Variants in ABCC4 observed in about 807,000 individuals in gnomAD.
ABCC4 encodes ATP-binding cassette sub-family C member 4.
ABCC4 carries 102 observed loss-of-function variants against 168.5 expected under a neutral mutation model. The observed-to-expected ratio is 0.61, with a 90% CI of 0.52 to 0.71. The LOEUF is 0.71. Ranked by LOEUF, ABCC4 falls within the 30% of genes least tolerant of loss-of-function variation. The pLI, the probability that ABCC4 is intolerant of heterozygous loss-of-function variation, is 0.00. For missense variants in ABCC4, 1,402 were observed against 1,605.8 expected, an observed-to-expected ratio of 0.87 and a Z score of 2.17; for synonymous variants, 617 against 590.7, an observed-to-expected ratio of 1.04 and a Z score of -0.65.
intron 22 of ABCC4, 43 bp from the exon 23 acceptor site, chr13:95,074,367 A>C (rs1457133571): frequency 6.7e-7 from 1 of 1,486,634 alleles, no homozygotes; most frequent in Non-Finnish European, 9.3e-7. Flanking sequence ...TAAGTAGATG[A>C]ATGTGCGAGT....
chr13:95,203,926 C>A (rs2038706889), intron 8 of ABCC4, among the ~76,000 whole-genome samples: 1 of 152,144 alleles, frequency 6.6e-6, no homozygotes, highest in Non-Finnish European at 1.5e-5. Flanking sequence ...CACCTTGGGT[C>A]TGTATTGGGC....
chr13:95,099,088 AT>A (rs1419701915), intron 20 of ABCC4, among the ~76,000 whole-genome samples: 27 of 152,262 alleles, frequency 1.8e-4, no homozygotes, highest in Non-Finnish European at 2.8e-4. Context: ...AAGAACATTC[AT>A]TGCTAAAAAC....
At chr13:95,114,159 T>C (rs1407333318) in intron 20 of ABCC4, among the ~76,000 whole-genome samples, 1 of 152,174 alleles carries the variant, frequency 6.6e-6, no homozygotes. Context: ...CAAGATTATG[T>C]GAGTGGATAA....
At chr13:95,252,493 T>G (rs994421256) in intron 1 of ABCC4, among the ~76,000 whole-genome samples, 1 of 152,108 alleles carries the variant, frequency 6.6e-6, no homozygotes, top group African/African-American at 2.4e-5. Flanking sequence ...CTGGCCAGCA[T>G]GGTGAAAACC....
intron 30 of ABCC4, among the ~76,000 whole-genome samples, chr13:95,025,287 A>T (rs866816018): frequency 2.1e-4 from 2 of 9,514 alleles, no homozygotes; most frequent in African/African-American, 5.3e-4. Context: ...ACACACCCCC[A>T]CACACACCCA....
At chr13:95,100,858 G>A (rs1055604391) in intron 20 of ABCC4, among the ~76,000 whole-genome samples, 1 of 152,194 alleles carries the variant, frequency 6.6e-6, no homozygotes, top group Non-Finnish European at 1.5e-5. Context: ...TTTGAGGGTA[G>A]GAGTTGGGGG....
intron 1 of ABCC4, among the ~76,000 whole-genome samples, chr13:95,286,668 T>C (rs2041263598): frequency 6.6e-6 from 1 of 151,974 alleles, no homozygotes; most frequent in South Asian, 2.1e-4. Flanking sequence ...GAAAAATTAG[T>C]GTATAAGGCC....
At position 95,083,218 on chromosome 13, in the gene ABCC4, G is replaced by C; in HGVS notation, c.2608C>G (p.Pro870Ala). The C allele has an allele frequency of 6.2e-7, 1 of 1,613,896 alleles. No individual in the cohort carries two copies. Among genetic ancestry groups the C allele is most frequent in the South Asian group, 1.1e-5 (1 of 91,052 alleles). ...AGAAAAATGAAAATGATTCCAAGGGGAACCAAGGGTATTGCGATCCAAGGA... is the reference window on the plus strand; with the variant it reads ...AGAAAAATGAAAATGATTCCAAGGGCAACCAAGGGTATTGCGATCCAAGGA... The part of the protein sequence containing the change: ...VIPWIAIPLV[P>A]LGIIFIFLRR... Residue 870 changes from proline (P) to alanine (A), a missense_variant, in exon 21 of 31, where the codon CCC (proline) becomes GCC (alanine). Coordinates refer to ENST00000645237, the MANE Select transcript of ABCC4 (RefSeq NM_005845.5).
intron 24 of ABCC4, 143 bp downstream of exon 24, chr13:95,073,061 A>C (rs944782335): frequency 2.0e-5 from 12 of 593,422 alleles, no homozygotes; most frequent in Non-Finnish European, 3.5e-5. Context: ...CATTAACTTT[A>C]AACAGATGGA....
At chr13:95,172,314 G>T (rs961362878) in intron 13 of ABCC4, among the ~76,000 whole-genome samples, 2 of 152,196 alleles carry the variant, frequency 1.3e-5, no homozygotes, top group Non-Finnish European at 1.5e-5. Context: ...AGCCACGGGG[G>T]CTCACGCCTA....
intron 30 of ABCC4, among the ~76,000 whole-genome samples, chr13:95,032,499 G>A (rs1368946303): frequency 6.6e-6 from 1 of 152,158 alleles, no homozygotes; most frequent in Non-Finnish European, 1.5e-5. Context: ...ATCGTTTTGA[G>A]GATAAATGCA....
chr13:95,051,212 G>T (rs975148497), intron 27 of ABCC4, among the ~76,000 whole-genome samples: 4 of 152,244 alleles, frequency 2.6e-5, no homozygotes, highest in Non-Finnish European at 4.4e-5. Context: ...GGGTGGGTGT[G>T]TAAGGACTCG....
chr13:95,091,899 A>G (rs983675677), intron 20 of ABCC4, among the ~76,000 whole-genome samples: 1 of 152,194 alleles, frequency 6.6e-6, no homozygotes. Flanking sequence ...AAACTCACCA[A>G]CCAATCTGCT....
At chr13:95,164,319 C>T in intron 16 of ABCC4, 59 bp downstream of exon 16, 2 of 1,593,094 alleles carry the variant, frequency 1.3e-6, no homozygotes, top group East Asian at 2.2e-5. Flanking sequence ...GTCATAATAG[C>T]ATAAACATAG....
intron 1 of ABCC4, among the ~76,000 whole-genome samples, chr13:95,260,507 C>CT (rs1187098010): frequency 6.6e-6 from 1 of 152,056 alleles, no homozygotes; most frequent in Admixed American, 6.6e-5. Context: ...AGGGTATAGT[C>CT]AGGTACCTGG....
intron 25 of ABCC4, among the ~76,000 whole-genome samples, chr13:95,063,498 T>C (rs752043237): frequency 6.6e-6 from 1 of 152,204 alleles, no homozygotes; most frequent in Non-Finnish European, 1.5e-5. Context: ...GAAGTGAAGA[T>C]TGCAATGTCT....
At chr13:95,221,396 T>G (rs896358101) in intron 4 of ABCC4, among the ~76,000 whole-genome samples, 2 of 152,112 alleles carry the variant, frequency 1.3e-5, no homozygotes, top group African/African-American at 4.8e-5. Flanking sequence ...GCCTGGCTGA[T>G]TTTTGTATTT....
At chr13:95,167,411 CA>C (rs1274457922) in intron 14 of ABCC4, among the ~76,000 whole-genome samples, 1 of 152,052 alleles carries the variant, frequency 6.6e-6, no homozygotes, top group Non-Finnish European at 1.5e-5. Flanking sequence ...GGCAAACTCC[CA>C]GAATACAAAA....
chr13:95,169,432 C>T (rs2037391793), intron 14 of ABCC4, among the ~76,000 whole-genome samples: 1 of 152,138 alleles, frequency 6.6e-6, no homozygotes, highest in Non-Finnish European at 1.5e-5. Flanking sequence ...GTCCTAGTTC[C>T]AGGGCCTCTG....
Sources: gnomAD v4.1 joint callset for allele counts (sites outside exome capture counted in the v4.1 genomes callset) on GRCh38, gnomAD v4.1.1 for gene constraint, MANE v1.5 for transcripts, NCBI Gene and HGNC (gene_info 2026-07-23, HGNC 2026-07-21) for gene names.